The following ROBO2 variants were observed in gnomAD, a reference collection of about 807,000 sequenced individuals.
ROBO2 encodes the protein roundabout guidance receptor 2.
Under a neutral mutation model 160.8 loss-of-function variants are expected in ROBO2, and 53 were observed. The ratio of observed to expected loss-of-function variants is 0.33; its 90% confidence interval spans 0.26 to 0.41. The LOEUF is 0.41. ROBO2 is among the 10% of genes least tolerant of loss of function. The pLI is 1.00. For missense variants in ROBO2, 1,577 were observed against 1,722.4 expected (o/e 0.92, Z 1.49); for synonymous variants, 664 against 611.7 (o/e 1.09, Z -1.26).
intron 17 of ROBO2, among the ~76,000 whole-genome samples, chr3:77,593,624 G>T (rs1386993690): frequency 3.3e-5 from 5 of 152,084 alleles, no homozygotes; most frequent in Non-Finnish European, 7.4e-5. Flanking sequence ...GAAGACCCTT[G>T]GAGTTTAGAG....
chr3:76,279,791 A>G (rs1018862083), intron 2 of ROBO2, among the ~76,000 whole-genome samples: 41 of 152,160 alleles, frequency 2.7e-4, no homozygotes, highest in Non-Finnish European at 5.3e-4. Context: ...AAATAAGATG[A>G]AAACAAAAGT....
At chr3:76,749,514 C>A (rs1474040000) in intron 2 of ROBO2, among the ~76,000 whole-genome samples, 2 of 151,898 alleles carry the variant, frequency 1.3e-5, no homozygotes, top group African/African-American at 4.8e-5. Flanking sequence ...TTAGCTATAC[C>A]ATCACAAGTT....
chr3:76,698,150 A>G (rs1473769864), intron 2 of ROBO2, among the ~76,000 whole-genome samples: 1 of 152,082 alleles, frequency 6.6e-6, no homozygotes, highest in Non-Finnish European at 1.5e-5. Flanking sequence ...CATCTGTACT[A>G]TGTTAGCTTG....
intron 2 of ROBO2, among the ~76,000 whole-genome samples, chr3:76,273,619 A>G (rs187615010): frequency 6.6e-6 from 1 of 152,234 alleles, no homozygotes; most frequent in Non-Finnish European, 1.5e-5. Context: ...GCCCCTCTTA[A>G]AACCATCAGA....
At chr3:77,610,515 G>A (rs1004229598) in intron 21 of ROBO2, among the ~76,000 whole-genome samples, 1 of 151,938 alleles carries the variant, frequency 6.6e-6, no homozygotes, top group Non-Finnish European at 1.5e-5. Context: ...TAGAAGTTAA[G>A]TTTTGAGGTG....
intron 2 of ROBO2, among the ~76,000 whole-genome samples, chr3:77,279,881 T>A (rs1047425780): frequency 2.0e-5 from 3 of 152,296 alleles, no homozygotes; most frequent in South Asian, 2.1e-4. Context: ...ATGTCTCACA[T>A]ACACACACAG....
chr3:76,249,592 G>A (rs796271260), intron 2 of ROBO2, among the ~76,000 whole-genome samples: 20 of 152,224 alleles, frequency 1.3e-4, no homozygotes, highest in African/African-American at 4.8e-4. Context: ...GTTTACACAG[G>A]TGATTTCAAT....
intron 1 of ROBO2, among the ~76,000 whole-genome samples, chr3:77,086,965 C>A (rs2069407778): frequency 1.3e-5 from 2 of 152,118 alleles, no homozygotes; most frequent in African/African-American, 2.4e-5. Flanking sequence ...GAGTTTCTGA[C>A]AAATGTATTA....
At position 76,995,691 on chromosome 3, in the gene ROBO2, C is replaced by G. The variant is rs564030466; in HGVS notation, c.110-102323C>G. Among the ~76,000 whole-genome samples the G allele has an allele frequency of 5.1e-3, 771 of 152,312 alleles. 9 individuals carry two copies. The highest frequency in any genetic ancestry group is 0.018 in the African/African-American group (733 of 41,568). On this transcript the variant is annotated intron_variant, in intron 2 of 26. Transcript: ENST00000487694. The stretch of plus-strand genomic sequence containing the variant: ...CATTGTGGTTTTGATTTGTATTTCT[C>G]TGATGGCCAGTGATGATGAGCATTT...
At chr3:76,539,722 G>T (rs2082713763) in intron 2 of ROBO2, among the ~76,000 whole-genome samples, 1 of 152,110 alleles carries the variant, frequency 6.6e-6, no homozygotes, top group Non-Finnish European at 1.5e-5. Flanking sequence ...TCTTTATTGA[G>T]GCTTTTCTCC....
chr3:77,024,776 G>A (rs984336246), intron 2 of ROBO2, among the ~76,000 whole-genome samples: 33 of 152,166 alleles, frequency 2.2e-4, no homozygotes, highest in African/African-American at 7.7e-4. Flanking sequence ...GACCATTCTC[G>A]AGCATTTTCG....
chr3:77,530,892 G>T lies in ROBO2; in HGVS notation c.934+7990G>T, dbSNP rs545458811. Among the ~76,000 whole-genome samples the T allele has an allele frequency of 9.9e-5, 15 of 152,056 alleles. 1 individual carries two copies. The South Asian group carries it at 3.1e-3, about 32-fold the overall frequency. On this transcript the variant is annotated intron_variant, in intron 6 of 25. Coordinates refer to ENST00000461745, the Ensembl canonical transcript of ROBO2. ...CTGACAGAAGAAAATGGTCTAAATT[G>T]GGAAAAATATCTTGCTTCCTATACC...
intron 16 of ROBO2, among the ~76,000 whole-genome samples, chr3:77,587,724 T>C (rs1176691063): frequency 6.6e-6 from 1 of 152,106 alleles, no homozygotes; most frequent in Non-Finnish European, 1.5e-5. Context: ...TACAGTGCTA[T>C]AGCTAAAACA....
intron 2 of ROBO2, among the ~76,000 whole-genome samples, chr3:76,131,665 T>C (rs1034199176): frequency 1.3e-5 from 2 of 152,148 alleles, no homozygotes; most frequent in Non-Finnish European, 2.9e-5. Flanking sequence ...GATGTGATTT[T>C]ATTGGTCATC....
At chr3:77,541,947 GT>G (rs138412817) in intron 6 of ROBO2, among the ~76,000 whole-genome samples, 10 of 149,622 alleles carry the variant, frequency 6.7e-5, no homozygotes, top group East Asian at 3.9e-4. Flanking sequence ...GGACCTAGTA[GT>G]TTTTTTTTTA....
chr3:76,059,408 G>A (rs1395842644), intron 2 of ROBO2, among the ~76,000 whole-genome samples: 23 of 152,174 alleles, frequency 1.5e-4, no homozygotes, highest in Non-Finnish European at 2.4e-4. Context: ...CAGTGATGAT[G>A]AGCATTTTTT....
chr3:76,661,894 A>G (rs549819935), intron 2 of ROBO2, among the ~76,000 whole-genome samples: 6 of 152,330 alleles, frequency 3.9e-5, no homozygotes, highest in Admixed American at 6.5e-5. Flanking sequence ...ATTTAAAAAC[A>G]TATCAAAAAA....
chr3:76,163,504 ATAT>A (rs2072716099), intron 2 of ROBO2, among the ~76,000 whole-genome samples: 1 of 149,032 alleles, frequency 6.7e-6, no homozygotes, highest in South Asian at 2.1e-4. Flanking sequence ...TGTGTATTAT[ATAT>A]TATATTTATA....
intron 2 of ROBO2, among the ~76,000 whole-genome samples, chr3:76,858,573 C>A (rs1229195562): frequency 6.6e-6 from 1 of 152,130 alleles, no homozygotes; most frequent in African/African-American, 2.4e-5. Flanking sequence ...CAGTAAATAG[C>A]TTTTAAACAA....
Sources: allele counts gnomAD v4.1 joint callset (sites outside exome capture counted in the v4.1 genomes callset), GRCh38; gene constraint gnomAD v4.1.1; transcripts MANE v1.5; gene names NCBI Gene and HGNC (gene_info 2026-07-23, HGNC 2026-07-21).